The following AKIRIN1 variants were observed in gnomAD, a reference collection of about 807,000 sequenced individuals.
AKIRIN1 encodes akirin-1.
In AKIRIN1, 4 loss-of-function variants were observed where a neutral mutation model predicts 25.9. The ratio of observed to expected loss-of-function variants is 0.15; its 90% CI spans 0.08 to 0.35. The LOEUF is 0.35. Ranked by LOEUF, AKIRIN1 falls within the 10% of genes least tolerant of loss-of-function variation. AKIRIN1 has a pLI of 1.00. For missense variants in AKIRIN1, 243 were observed against 266.1 expected (o/e 0.91, Z 0.61); for synonymous variants, 125 against 105.1 (o/e 1.19, Z -1.16).
chr1:39,003,913 C>G, intron 4 of AKIRIN1, 132 bp from the exon 5 acceptor site: 1 of 728,164 alleles, frequency 1.4e-6, no homozygotes, highest in Non-Finnish European at 2.3e-6. Flanking sequence ...AATTCTTGAT[C>G]TTTAGTATCT....
chr1:39,005,153 A>G lies in AKIRIN1; in HGVS notation c.*1098A>G, dbSNP rs1644024911. On this transcript the variant is annotated 3_prime_UTR_variant, in exon 5 of 5. Coordinates refer to ENST00000432648, the MANE Select transcript of AKIRIN1 (RefSeq NM_024595.3). ...AAACCCCATCTCTACTAAAAATACA[A>G]CAAAGTTAGCCGGGCGTGGTGGCAG... 1 of 152,060 alleles carries G rather than the reference A, an allele frequency of 6.6e-6. No homozygotes were observed. Among genetic ancestry groups the G allele is most frequent in the Non-Finnish European group, 1.5e-5 (1 of 68,020 alleles). 9.4% of individuals were successfully genotyped at this position (152,060 alleles called of 1,614,324 possible).
intron 3 of AKIRIN1, among the ~76,000 whole-genome samples, chr1:39,002,434 T>G (rs1460657881): frequency 6.6e-6 from 1 of 152,104 alleles, no homozygotes; most frequent in African/African-American, 2.4e-5. Context: ...ATATGTATTA[T>G]AAGAAGAAGG....
intron 1 of AKIRIN1, among the ~76,000 whole-genome samples, chr1:38,995,099 G>A (rs1371282632): frequency 1.3e-5 from 2 of 152,260 alleles, no homozygotes; most frequent in African/African-American, 4.8e-5. Context: ...CCAAAGTGCT[G>A]GGATTGCATG....
intron 2 of AKIRIN1, among the ~76,000 whole-genome samples, chr1:39,000,023 C>T (rs932133737): frequency 5.3e-5 from 8 of 151,896 alleles, no homozygotes; most frequent in Admixed American, 3.3e-4. Context: ...GCTGGGACTA[C>T]AGGCGCCCAC....
At chr1:38,991,829 G>A (rs940311760) in intron 1 of AKIRIN1, among the ~76,000 whole-genome samples, 4 of 152,120 alleles carry the variant, frequency 2.6e-5, no homozygotes, top group East Asian at 1.9e-4. Context: ...GGGGAGGAGA[G>A]CCTGGAGGGG....
chr1:38,991,881 G>A (rs1643908798), intron 1 of AKIRIN1, among the ~76,000 whole-genome samples: 1 of 152,090 alleles, frequency 6.6e-6, no homozygotes, highest in Admixed American at 6.5e-5. Context: ...GGCCGCTCCG[G>A]GCCCTCCCTG....
intron 3 of AKIRIN1, 152 bp from the exon 4 acceptor site, chr1:39,003,195 A>G (rs567807233): frequency 6.1e-5 from 44 of 718,050 alleles, no homozygotes; most frequent in Middle Eastern, 2.9e-4. Context: ...TGACCTTTAT[A>G]TAAGGTCACT....
At position 39,005,940 on chromosome 1, in the gene AKIRIN1, T is replaced by C. The variant is rs1336245539; in HGVS notation, c.*1885T>C. ...AATGTTTATTAATTCAAATAACTTA[T>C]GTGAGAGCTGCTATAACCATTTCCC... On this transcript the variant is annotated 3_prime_UTR_variant, in exon 5 of 5. Coordinates refer to ENST00000432648, the MANE Select transcript of AKIRIN1 (RefSeq NM_024595.3). The C allele has an allele frequency of 3.3e-5, 5 of 152,328 alleles. No individual in the cohort carries two copies. The highest frequency in any genetic ancestry group is 1.9e-4 in the East Asian group (1 of 5,194). 9.4% of individuals were successfully genotyped at this position (152,328 alleles called of 1,614,324 possible).
chr1:38,993,306 C>G (rs1643922880), intron 1 of AKIRIN1, among the ~76,000 whole-genome samples: 1 of 151,482 alleles, frequency 6.6e-6, no homozygotes, highest in Non-Finnish European at 1.5e-5. Flanking sequence ...CCCAGCACTT[C>G]GGGAGGCCAT....
Position 39,005,415 on chromosome 1 carries a change from C to G in AKIRIN1, c.*1360C>G, listed in dbSNP as rs1644027552. On this transcript the variant is annotated 3_prime_UTR_variant, in exon 5 of 5. Coordinates refer to ENST00000432648, the MANE Select transcript of AKIRIN1 (RefSeq NM_024595.3). The stretch of plus-strand genomic sequence containing the variant: ...CAGCTTTGTTTTGGCAACCCCCTGC[C>G]CGAAGTCGCATATAGGCTGTTCTTC... 1 of 152,130 alleles carries G rather than the reference C, an allele frequency of 6.6e-6. No homozygotes were observed. The highest frequency in any genetic ancestry group is 2.4e-5 in the African/African-American group (1 of 41,432). The allele number at this position is 152,130 out of a possible 1,614,324, so 9.4% of individuals were successfully genotyped here.
rs1214129820 is a variant in AKIRIN1 at position 39,005,224 on chromosome 1, C to T, written c.*1169C>T. On this transcript the variant is annotated 3_prime_UTR_variant, in exon 5 of 5. Transcript: ENST00000432648. ...TTGGGAGGCTGAGGCAGGAGAATCA[C>T]TTGAACCCTGGAGGTGGCGGTTGCA... The T allele has an allele frequency of 3.3e-5, 5 of 151,366 alleles. No homozygotes were observed. Among genetic ancestry groups the T allele is most frequent in the African/African-American group, 1.2e-4 (5 of 41,174 alleles). 9.4% of individuals were successfully genotyped at this position (151,366 alleles called of 1,614,324 possible).
In AKIRIN1 at chr1:39,004,511, A is replaced by C. The variant is rs776238261; in HGVS notation, c.*456A>C. 7.0e-6 allele frequency: 2 copies of C among 287,506 alleles called. No homozygotes were observed. Among genetic ancestry groups the C allele is most frequent in the Admixed American group, 5.0e-5 (1 of 20,006 alleles). The allele number at this position is 287,506 out of a possible 1,614,324, so 17.8% of individuals were successfully genotyped here. A position where few individuals can be genotyped will look rare whatever the true frequency, so the allele number is the denominator to read the frequency against. ...GGTGCACGACAATTATGGTAAAAAA[A>C]CATTTGCTTGGTCTAAAGAAGATCA... On this transcript the variant is annotated 3_prime_UTR_variant, in exon 5 of 5. Transcript: ENST00000432648.
intron 1 of AKIRIN1, among the ~76,000 whole-genome samples, chr1:38,994,119 C>T (rs898090153): frequency 6.6e-6 from 1 of 151,468 alleles, no homozygotes. Context: ...TTCTGAAATC[C>T]GAAATGCTGC....
At chr1:38,998,356 A>G (rs375528565) in intron 2 of AKIRIN1, 45 bp downstream of exon 2, 3 of 1,553,702 alleles carry the variant, frequency 1.9e-6, no homozygotes, top group African/African-American at 1.4e-5. Context: ...GAGTTTGTAA[A>G]TGGTACTTAT....
At chr1:38,991,984 A>G (rs1292761457) in intron 1 of AKIRIN1, among the ~76,000 whole-genome samples, 1 of 116,538 alleles carries the variant, frequency 8.6e-6, no homozygotes. Flanking sequence ...CTACTCACGA[A>G]CCTGGCCTGG....
chr1:38,999,169 T>C (rs1384687901), intron 2 of AKIRIN1, among the ~76,000 whole-genome samples: 5 of 152,354 alleles, frequency 3.3e-5, no homozygotes, highest in South Asian at 2.1e-4. Context: ...CCATCTCCAG[T>C]GGTGGTGAAA....
intron 2 of AKIRIN1, among the ~76,000 whole-genome samples, chr1:39,000,220 T>G (rs1365259243): frequency 6.6e-6 from 1 of 152,082 alleles, no homozygotes; most frequent in Non-Finnish European, 1.5e-5. Context: ...AAGCCACTTG[T>G]GGGATTTGTT....
At chr1:39,003,948 G>A in intron 4 of AKIRIN1, 97 bp from the exon 5 acceptor site, 4 of 1,045,626 alleles carry the variant, frequency 3.8e-6, no homozygotes, top group South Asian at 1.4e-5. Context: ...CATCGTTCAT[G>A]CTATTTCTCA....
intron 2 of AKIRIN1, 138 bp downstream of exon 2, chr1:38,998,449 C>A: frequency 9.6e-7 from 1 of 1,040,546 alleles, no homozygotes; most frequent in Non-Finnish European, 1.3e-6. Context: ...ATTTTTAAAA[C>A]TATACAGTCA....
Sources: allele counts gnomAD v4.1 joint callset (sites outside exome capture counted in the v4.1 genomes callset), GRCh38; gene constraint gnomAD v4.1.1; transcripts MANE v1.5; gene names NCBI Gene and HGNC (gene_info 2026-07-23, HGNC 2026-07-21).